The following HACL1 variants were observed in gnomAD, a reference collection of about 807,000 sequenced individuals.
The protein encoded by HACL1 is 2-hydroxyacyl-CoA lyase 1.
A neutral mutation model predicts 74.2 loss-of-function variants in HACL1; 64 were observed. The observed-to-expected ratio is 0.86, with a 90% CI of 0.70 to 1.06. The LOEUF (loss-of-function observed/expected upper bound fraction) is 1.06, where lower values mean the gene tolerates loss of function less well. HACL1 is among the 50% of genes least tolerant of loss of function. HACL1 has a pLI of 0.00. For synonymous variants in HACL1, 230 were observed against 238.8 expected (o/e 0.96, Z 0.34); for missense variants, 728 against 719.7 (o/e 1.01, Z -0.13).
intron 14 of HACL1, among the ~76,000 whole-genome samples, chr3:15,567,497 G>A (rs986060385): frequency 3.3e-5 from 5 of 151,892 alleles, no homozygotes; most frequent in African/African-American, 1.2e-4. Flanking sequence ...TGGGATTACA[G>A]GTGTGAGCCA....
At chr3:15,571,878 CA>C (rs1361295528) in intron 11 of HACL1, 109 bp from the exon 12 acceptor site, 3 of 517,612 alleles carry the variant, frequency 5.8e-6, no homozygotes, top group Non-Finnish European at 9.5e-6. Context: ...CTCGTTCTGT[CA>C]CCCAGGCTGG....
chr3:15,586,680 C>A, intron 5 of HACL1, 78 bp from the exon 6 acceptor site: 1 of 829,506 alleles, frequency 1.2e-6, no homozygotes, highest in Non-Finnish European at 2.1e-6. Context: ...AATGTTAAGT[C>A]ATTAATTTCT....
chr3:15,565,334 T>C (rs932882836), intron 14 of HACL1, among the ~76,000 whole-genome samples: 4 of 152,182 alleles, frequency 2.6e-5, no homozygotes, highest in African/African-American at 7.2e-5. Flanking sequence ...CTAGGAACAG[T>C]GTTTGAAACG....
intron 5 of HACL1, among the ~76,000 whole-genome samples, chr3:15,588,026 G>A (rs1013028030): frequency 1.3e-5 from 2 of 151,832 alleles, no homozygotes; most frequent in Admixed American, 6.6e-5. Flanking sequence ...CCCAAGTAGC[G>A]AGGATTACGG....
At chr3:15,571,614 G>A (rs562084526) in intron 12 of HACL1, 54 bp downstream of exon 12, 15 of 830,326 alleles carry the variant, frequency 1.8e-5, no homozygotes, top group Non-Finnish European at 3.2e-5. Context: ...TACGGCAGAA[G>A]TAACTGAATC....
At chr3:15,570,033 C>G (rs1389305018) in intron 12 of HACL1, among the ~76,000 whole-genome samples, 1 of 150,894 alleles carries the variant, frequency 6.6e-6, no homozygotes, top group Non-Finnish European at 1.5e-5. Flanking sequence ...TAGAAACAGT[C>G]ATTGATTAAA....
intron 3 of HACL1, among the ~76,000 whole-genome samples, chr3:15,592,511 CACTTGTATACATATACACATGT>C (rs1161283805): frequency 3.4e-5 from 5 of 145,422 alleles, no homozygotes; most frequent in Admixed American, 6.7e-5. Context: ...CTTGTATATA[CACTTGTATACATATACACATGT>C]ATACACATGT....
chr3:15,601,542 A>G lies in HACL1; in HGVS notation c.-79T>C, dbSNP rs889738508. 3 of 1,605,546 alleles carry G rather than the reference A, an allele frequency of 1.9e-6. No homozygotes were observed. The highest frequency in any genetic ancestry group is 2.5e-6 in the Non-Finnish European group (3 of 1,179,708). On this transcript the variant is annotated 5_prime_UTR_variant, in exon 1 of 17. Transcript: ENST00000321169. ...CCAGCAAGGCAAACGCGAAATCGGC[A>G]GCACGCCACCTCTGGTACTGCACCT...
chr3:15,561,471 G>A (rs919009087), intron 16 of HACL1, among the ~76,000 whole-genome samples: 9 of 152,184 alleles, frequency 5.9e-5, no homozygotes, highest in African/African-American at 2.2e-4. Flanking sequence ...AGTGATAAAT[G>A]TAAGAAATAT....
At position 15,592,074 on chromosome 3, in the gene HACL1, G is replaced by GTA. The variant is rs71045168; in HGVS notation, c.228-396_228-395dup. Among the ~76,000 whole-genome samples the GTA allele has an allele frequency of 2.5e-3, 327 of 131,468 alleles. 2 individuals carry two copies. The highest frequency in any genetic ancestry group is 9.1e-3 in the African/African-American group (313 of 34,210). The allele number at this position is 131,468 out of a possible 152,430, so 86.2% of individuals were successfully genotyped here. ...TATATACGTATATATACGTATATAC[G>GTA]TATACGTATATATACACACACTATA... On this transcript the variant is annotated intron_variant, in intron 3 of 16. Coordinates refer to ENST00000321169, the MANE Select transcript of HACL1 (RefSeq NM_012260.4).
chr3:15,575,181 C>T (rs999052418), intron 9 of HACL1, 99 bp from the exon 10 acceptor site: 1 of 621,848 alleles, frequency 1.6e-6, no homozygotes, highest in Non-Finnish European at 2.9e-6. Flanking sequence ...TCATTTGGAG[C>T]TTACATCAGA....
chr3:15,592,354 A>C (rs138887717), intron 3 of HACL1, among the ~76,000 whole-genome samples: 33 of 150,062 alleles, frequency 2.2e-4, no homozygotes, highest in East Asian at 3.9e-4. Flanking sequence ...AGTATACTCT[A>C]TATATATGTA....
At chr3:15,582,708 G>A (rs1009508627) in intron 8 of HACL1, among the ~76,000 whole-genome samples, 169 bp downstream of exon 8, 1 of 151,928 alleles carries the variant, frequency 6.6e-6, no homozygotes, top group African/African-American at 2.4e-5. Context: ...GAAATCTCTG[G>A]GCATTAAAGA....
intron 4 of HACL1, 81 bp downstream of exon 4, chr3:15,591,519 T>G: frequency 1.3e-6 from 1 of 746,862 alleles, no homozygotes; most frequent in South Asian, 1.7e-5. Flanking sequence ...CTTTCTACCC[T>G]AGATCAGCAT....
chr3:15,594,776 G>C (rs1398959349), intron 3 of HACL1, among the ~76,000 whole-genome samples: 1 of 152,170 alleles, frequency 6.6e-6, no homozygotes, highest in Non-Finnish European at 1.5e-5. Flanking sequence ...TACGGCTCGT[G>C]GCTACTATAC....
Position 15,582,952 on chromosome 3 carries a change from C to T in HACL1, c.592G>A (p.Ala198Thr), listed in dbSNP as rs1474194160. Residue 198 changes from alanine (A) to threonine (T), a missense_variant, in exon 8 of 17, where the codon GCA becomes ACA. By Grantham distance (58) the Ala-to-Thr change is moderately conservative (BLOSUM62 0). Transcript: ENST00000321169. Reference sequence around the variant, plus strand: ...GCCGTGCACACAGCAGAGGTTTCTGCCATGCTAATAGGAGGTGACATGCAG... The same window carrying T: ...GCCGTGCACACAGCAGAGGTTTCTGTCATGCTAATAGGAGGTGACATGCAG... Reference protein sequence around the residue: ...ERCMSPPISMAETSAVCTAAS... With the variant: ...ERCMSPPISMTETSAVCTAAS... 6.2e-7 allele frequency: 1 copy of T among 1,610,520 alleles called. No homozygotes were observed. Among genetic ancestry groups the T allele is most frequent in the South Asian group, 1.1e-5 (1 of 90,846 alleles).
At position 15,568,460 on chromosome 3, in the gene HACL1, C is replaced by T; in HGVS notation, c.1222G>A (p.Val408Met). The T allele has an allele frequency of 6.2e-7, 1 of 1,601,206 alleles. No individual in the cohort carries two copies. The change falls in exon 13 of 17, where the codon GTG becomes ATG. Residue 408 changes from valine (V) to methionine (M), a missense_variant. Coordinates refer to ENST00000321169, the MANE Select transcript of HACL1 (RefSeq NM_012260.4). The stretch of plus-strand genomic sequence containing the variant: ...TGACGAGGAAGGTAGTTCTGAAGCA[C>T]AGTCCGTCCAATGTCCATAGTATTT... The part of the protein sequence containing the change: ...GANTMDIGRT[V>M]LQNYLPRHRL...
At chr3:15,574,186 T>A (rs2063582807) in intron 10 of HACL1, among the ~76,000 whole-genome samples, 2 of 152,168 alleles carry the variant, frequency 1.3e-5, no homozygotes, top group Non-Finnish European at 2.9e-5. Context: ...CTGGGCAACA[T>A]GGCGAGACTT....
At chr3:15,594,263 G>T (rs2064015898) in intron 3 of HACL1, among the ~76,000 whole-genome samples, 1 of 152,102 alleles carries the variant, frequency 6.6e-6, no homozygotes, top group Admixed American at 6.6e-5. Flanking sequence ...AAAACTAGCT[G>T]AGTATGGTGG....
Sources: gnomAD v4.1 joint callset for allele counts (sites outside exome capture counted in the v4.1 genomes callset) on GRCh38, gnomAD v4.1.1 for gene constraint, MANE v1.5 for transcripts, NCBI Gene and HGNC (gene_info 2026-07-23, HGNC 2026-07-21) for gene names.